Variants in CPNE4 observed in about 807,000 individuals in gnomAD.
CPNE4 encodes the protein copine 4, also known as copine-4.
A neutral mutation model predicts 67.9 loss-of-function variants in CPNE4; 25 were observed. The observed-to-expected ratio is 0.37, with a 90% CI of 0.27 to 0.51. The LOEUF is 0.51. Ranked by LOEUF, CPNE4 falls within the 20% of genes least tolerant of loss-of-function variation. The pLI is 0.93. For missense variants in CPNE4, 464 were observed against 690.8 expected, an observed-to-expected ratio of 0.67 and a Z score of 3.68; for synonymous variants, 242 against 244.9, an observed-to-expected ratio of 0.99 and a Z score of 0.11.
At chr3:131,582,554 GAT>G in intron 8 of CPNE4, among the ~76,000 whole-genome samples, 1 of 152,324 alleles carries the variant, frequency 6.6e-6, no homozygotes, top group Middle Eastern at 3.4e-3. Context: ...TGGATAGGCT[GAT>G]ATAGCAGTGG....
At chr3:131,599,597 A>G (rs1046029383) in intron 7 of CPNE4, among the ~76,000 whole-genome samples, 7 of 152,220 alleles carry the variant, frequency 4.6e-5, no homozygotes, top group African/African-American at 1.4e-4. Flanking sequence ...TCAAAATTAC[A>G]TAGATGTAAT....
rs5852655 is a variant in CPNE4 at position 131,819,491 on chromosome 3, T to TACACACACACAC, written c.180+85761_180+85772dup. ...CCACATTCACACAGACACACACAGA[T>TACACACACACAC]ACACACACACACACACACACACACA... On this transcript the variant is annotated intron_variant, in intron 2 of 15. Coordinates refer to ENST00000429747, the MANE Select transcript of CPNE4 (RefSeq NM_130808.3). Among the ~76,000 whole-genome samples, 1,013 of 146,260 alleles carry TACACACACACAC rather than the reference T, an allele frequency of 6.9e-3. 22 individuals are homozygous for TACACACACACAC. The East Asian group carries it at 0.08, about 12-fold the overall frequency.
At chr3:131,655,238 A>AC (rs1417152386) in intron 7 of CPNE4, among the ~76,000 whole-genome samples, 3 of 152,198 alleles carry the variant, frequency 2.0e-5, no homozygotes, top group African/African-American at 7.2e-5. Flanking sequence ...CTTGGGCCCC[A>AC]CCCTAGACCT....
chr3:131,682,667 G>A (rs567865762), intron 6 of CPNE4, among the ~76,000 whole-genome samples: 15 of 152,108 alleles, frequency 9.9e-5, no homozygotes, highest in African/African-American at 3.1e-4. Flanking sequence ...CAAGGCTCTA[G>A]TACTCTACAA....
rs938329182 is a variant in CPNE4, at chr3:131,645,254, T to G, written c.681+24421A>C. ...ATATTTTTGAAGACCTCATTATAAC[T>G]AGTTACAGATAATATCTCTGCATCT... On this transcript the variant is annotated intron_variant, in intron 7 of 15. Coordinates refer to ENST00000429747, the MANE Select transcript of CPNE4 (RefSeq NM_130808.3). 2.0e-5 allele frequency among the ~76,000 whole-genome samples: 3 copies of G among 152,250 alleles called. No homozygotes were observed. In the East Asian group the frequency reaches 5.8e-4, roughly 29 times the overall value.
At chr3:131,552,542 T>G in intron 12 of CPNE4, 51 bp from the exon 13 acceptor site, 3 of 1,506,880 alleles carry the variant, frequency 2.0e-6, no homozygotes, top group Non-Finnish European at 2.8e-6. Flanking sequence ...AATTACAACT[T>G]TAATCCAGTA....
At chr3:131,743,470 A>C in intron 2 of CPNE4, among the ~76,000 whole-genome samples, 1 of 152,230 alleles carries the variant, frequency 6.6e-6, no homozygotes, top group East Asian at 1.9e-4. Flanking sequence ...AGAAAAATAG[A>C]AAAGTACACA....
intron 7 of CPNE4, among the ~76,000 whole-genome samples, chr3:131,660,144 T>C (rs538999858): frequency 2.9e-4 from 44 of 152,200 alleles, no homozygotes; most frequent in Non-Finnish European, 5.4e-4. Context: ...GTAAGATCAG[T>C]TTATATGGTT....
chr3:131,720,281 TG>T (rs1458323315), intron 3 of CPNE4, among the ~76,000 whole-genome samples: 1 of 133,814 alleles, frequency 7.5e-6, no homozygotes, highest in Non-Finnish European at 1.6e-5. Context: ...GGAACAGGAA[TG>T]GGTTTTTTTT....
intron 1 of CPNE4, among the ~76,000 whole-genome samples, chr3:132,020,689 C>T (rs6780668): frequency 0.68 from 103,082 of 152,008 alleles, 35,755 homozygotes; most frequent in Middle Eastern, 0.76. Context: ...ATCCATAGCT[C>T]TCCAACTCCC....
rs371193647 is a variant in CPNE4 at position 131,586,037 on chromosome 3, T to TA, written c.780+1446dup. 3.9e-5 allele frequency among the ~76,000 whole-genome samples: 6 copies of TA among 151,942 alleles called. No homozygotes were observed. In the East Asian group the frequency reaches 7.8e-4, roughly 20 times the overall value. On this transcript the variant is annotated intron_variant, in intron 8 of 15. Transcript: ENST00000429747. The stretch of plus-strand genomic sequence containing the variant: ...ATCATTCAGATTAAGTTTCTGACTC[T>TA]AAAAAAATGTTAGTTCATTTCCATC...
At chr3:131,628,213 C>G (rs1207212854) in intron 7 of CPNE4, among the ~76,000 whole-genome samples, 1 of 152,186 alleles carries the variant, frequency 6.6e-6, no homozygotes, top group African/African-American at 2.4e-5. Context: ...CATCCCAACA[C>G]CCTCTGTATT....
intron 1 of CPNE4, among the ~76,000 whole-genome samples, chr3:131,987,387 A>ATTT (rs552601179): frequency 0.022 from 3,220 of 143,664 alleles, 55 homozygotes; most frequent in Non-Finnish European, 0.036. Context: ...AGTTGTACAG[A>ATTT]TTTTTTTTTT....
chr3:131,953,514 T>C (rs1026500753), intron 1 of CPNE4, among the ~76,000 whole-genome samples: 1 of 152,204 alleles, frequency 6.6e-6, no homozygotes, highest in African/African-American at 2.4e-5. Flanking sequence ...ATAGGATATA[T>C]CATATATATT....
intron 1 of CPNE4, among the ~76,000 whole-genome samples, chr3:131,931,671 C>G (rs140663175): frequency 1.3e-5 from 2 of 152,176 alleles, no homozygotes; most frequent in African/African-American, 2.4e-5. Flanking sequence ...TTGTTTTGCT[C>G]TACCTCTTTA....
At chr3:132,007,891 A>T (rs2073649699) in intron 1 of CPNE4, among the ~76,000 whole-genome samples, 1 of 152,146 alleles carries the variant, frequency 6.6e-6, no homozygotes, top group Non-Finnish European at 1.5e-5. Flanking sequence ...TTCCCTAAGC[A>T]ATCAGCACAG....
rs116011668 is a variant in CPNE4 at position 131,707,001 on chromosome 3, G to T, written c.361-7021C>A. ...AAATGTTGTAGCCTGACCACCTTGG[G>T]CTCATGTTCTCAGGTTTTCCTGAAG... is the stretch of plus-strand genomic sequence containing the variant. On this transcript the variant is annotated intron_variant, in intron 3 of 15. Transcript: ENST00000429747. 7.4e-3 allele frequency among the ~76,000 whole-genome samples: 1,133 copies of T among 152,274 alleles called. 13 individuals carry two copies. The highest frequency in any genetic ancestry group is 0.025 in the African/African-American group (1,020 of 41,542).
intron 10 of CPNE4, among the ~76,000 whole-genome samples, 179 bp downstream of exon 10, chr3:131,574,892 A>G (rs1041463168): frequency 6.6e-6 from 1 of 152,144 alleles, no homozygotes; most frequent in Non-Finnish European, 1.5e-5. Context: ...CTTATTAAAG[A>G]AAACAGAAGT....
intron 1 of CPNE4, among the ~76,000 whole-genome samples, chr3:131,938,657 C>T (rs1189660225): frequency 6.6e-6 from 1 of 152,044 alleles, no homozygotes; most frequent in Non-Finnish European, 1.5e-5. Context: ...AACTGCCAAA[C>T]ACTTTTAAAA....
Sources: allele counts gnomAD v4.1 joint callset (sites outside exome capture counted in the v4.1 genomes callset), GRCh38; gene constraint gnomAD v4.1.1; transcripts MANE v1.5; gene names NCBI Gene and HGNC (gene_info 2026-07-23, HGNC 2026-07-21).